The following ICA1 variants were observed in gnomAD, a reference collection of about 807,000 sequenced individuals.
ICA1 encodes islet cell autoantigen 1.
Under a neutral mutation model 71.0 loss-of-function variants are expected in ICA1, and 40 were observed. That is an observed-to-expected ratio of 0.56 (90% CI 0.44 to 0.73). ICA1 has a LOEUF of 0.73. Ranked by LOEUF, ICA1 falls within the 30% of genes least tolerant of loss-of-function variation. The pLI is 0.00. For missense variants in ICA1, 578 were observed against 576.5 expected, an observed-to-expected ratio of 1.00 and a Z score of -0.03; for synonymous variants, 207 against 209.5, an observed-to-expected ratio of 0.99 and a Z score of 0.10.
rs145889798 is a variant in ICA1 at position 8,256,821 on chromosome 7, G to C, written c.-80+5273C>G. 7.2e-4 allele frequency among the ~76,000 whole-genome samples: 109 copies of C among 152,316 alleles called. 1 individual carries two copies. The highest frequency in any genetic ancestry group is 2.5e-3 in the African/African-American group (104 of 41,574). On this transcript the variant is annotated intron_variant, in intron 1 of 13. Transcript: ENST00000402384. ...AGCACAGTAGCCATTCAGTACATAT[G>C]TGCTGGGCAAGGGGCAATAATTATG...
chr7:8,180,226 T>C (rs1054878764), intron 6 of ICA1, among the ~76,000 whole-genome samples: 10 of 152,148 alleles, frequency 6.6e-5, no homozygotes, highest in South Asian at 2.1e-4. Context: ...CTGATCTCTA[T>C]CACCATGAAT....
chr7:8,144,124 G>GA lies in ICA1; in HGVS notation c.805-153dup. On this transcript the variant is annotated intron_variant, in intron 8 of 13. Transcript: ENST00000402384. This position sits in a 1 kb window ranked among gnomAD's most constrained non-coding sequence, Gnocchi z 4.5. Reference sequence around the variant, plus strand: ...ATTACAGGTATTGGGAGGTGACCTTGAACCAATCAGCTGGAAGAAATAAAA... The same window carrying GA: ...ATTACAGGTATTGGGAGGTGACCTTGAAACCAATCAGCTGGAAGAAATAAAA... The GA allele has an allele frequency of 1.6e-6, 1 of 606,252 alleles. No homozygotes were observed. Among genetic ancestry groups the GA allele is most frequent in the South Asian group, 2.1e-5 (1 of 48,314 alleles). The allele number at this position is 606,252 out of a possible 1,614,324, so 37.6% of individuals were successfully genotyped here.
chr7:8,116,875 G>A (rs148395603), intron 13 of ICA1, among the ~76,000 whole-genome samples: 3 of 152,116 alleles, frequency 2.0e-5, no homozygotes, highest in Admixed American at 6.5e-5. Flanking sequence ...GAAATCCCTC[G>A]TTAACTTTAT....
intron 6 of ICA1, among the ~76,000 whole-genome samples, chr7:8,176,142 G>C (rs138257704): frequency 1.2e-3 from 176 of 152,344 alleles, no homozygotes; most frequent in Admixed American, 3.6e-3. Flanking sequence ...CCTCTTGTAC[G>C]AAACACAAAC....
At chr7:8,179,011 G>T (rs983068594) in intron 6 of ICA1, among the ~76,000 whole-genome samples, 1 of 152,196 alleles carries the variant, frequency 6.6e-6, no homozygotes, top group Non-Finnish European at 1.5e-5. Context: ...CTGAGCAGAA[G>T]TAAACTGCAT....
intron 5 of ICA1, among the ~76,000 whole-genome samples, chr7:8,219,581 T>TATAAGAATA (rs1309918101): frequency 6.6e-6 from 1 of 152,252 alleles, no homozygotes; most frequent in Non-Finnish European, 1.5e-5. Context: ...TGAGTACTTG[T>TATAAGAATA]ATAAGAATAA....
intron 6 of ICA1, among the ~76,000 whole-genome samples, chr7:8,201,451 C>T (rs1424771402): frequency 6.6e-6 from 1 of 152,096 alleles, no homozygotes; most frequent in Non-Finnish European, 1.5e-5. Context: ...GGGAACTGGG[C>T]CTTTTAAAGA....
At chr7:8,213,167 C>T (rs1794368049) in intron 6 of ICA1, among the ~76,000 whole-genome samples, 1 of 152,130 alleles carries the variant, frequency 6.6e-6, no homozygotes, top group African/African-American at 2.4e-5. Context: ...AGTTATGAAA[C>T]AAATACATTT....
At chr7:8,254,305 T>C (rs1374025920) in intron 1 of ICA1, among the ~76,000 whole-genome samples, 1 of 151,940 alleles carries the variant, frequency 6.6e-6, no homozygotes, top group African/African-American at 2.4e-5. Context: ...TCCAGAACTT[T>C]CCTTGGTTAA....
chr7:8,222,084 A>G lies in ICA1; in HGVS notation c.257-686T>C, dbSNP rs1222670980. On this transcript the variant is annotated intron_variant, in intron 4 of 13. Transcript: ENST00000402384. The surrounding 1 kb of genome is among the most constrained non-coding windows in gnomAD (Gnocchi z 4.8). ...CAGACTGATTTGACGGTAAACATTT[A>G]AAAAATCATAGAATTACATGTATCT... 2.0e-5 allele frequency among the ~76,000 whole-genome samples: 3 copies of G among 152,158 alleles called. No homozygotes were observed. Among genetic ancestry groups the G allele is most frequent in the African/African-American group, 7.2e-5 (3 of 41,418 alleles).
chr7:8,258,194 C>A (rs1376419583), intron 1 of ICA1, among the ~76,000 whole-genome samples: 1 of 152,204 alleles, frequency 6.6e-6, no homozygotes, highest in Non-Finnish European at 1.5e-5. Flanking sequence ...CTCTCTTTCC[C>A]TCTTTTACTC....
chr7:8,158,399 A>C (rs978719621), intron 7 of ICA1, 128 bp downstream of exon 7: 1 of 1,122,584 alleles, frequency 8.9e-7, no homozygotes, highest in African/African-American at 1.6e-5. Flanking sequence ...AGATGTGGGA[A>C]GTGAAATTAC....
chr7:8,140,530 A>T (rs889015715), intron 10 of ICA1, among the ~76,000 whole-genome samples: 2 of 152,168 alleles, frequency 1.3e-5, no homozygotes, highest in Non-Finnish European at 2.9e-5. Flanking sequence ...CCAAAGCTGG[A>T]GCTGCTGGAT....
chr7:8,238,299 ATGTT>A (rs1188084678), intron 1 of ICA1, among the ~76,000 whole-genome samples: 2 of 152,252 alleles, frequency 1.3e-5, no homozygotes, highest in East Asian at 3.9e-4. Flanking sequence ...ATCCTTGTTA[ATGTT>A]TGTTTCCATT....
intron 6 of ICA1, among the ~76,000 whole-genome samples, chr7:8,165,903 T>G (rs569411837): frequency 6.6e-6 from 1 of 152,328 alleles, no homozygotes; most frequent in South Asian, 2.1e-4. Flanking sequence ...TCCATGCTCA[T>G]GGATAGGAAG....
At chr7:8,257,485 C>T (rs1272122310) in intron 1 of ICA1, among the ~76,000 whole-genome samples, 1 of 152,192 alleles carries the variant, frequency 6.6e-6, no homozygotes, top group Non-Finnish European at 1.5e-5. Context: ...CAAATACTTT[C>T]ACTAACTAGA....
intron 6 of ICA1, among the ~76,000 whole-genome samples, chr7:8,167,281 T>C (rs1270466935): frequency 6.6e-6 from 1 of 152,184 alleles, no homozygotes; most frequent in Non-Finnish European, 1.5e-5. Context: ...CACCATAGCA[T>C]ACTACACAGC....
chr7:8,255,192 C>T (rs1055414809), intron 1 of ICA1, among the ~76,000 whole-genome samples: 3 of 152,188 alleles, frequency 2.0e-5, no homozygotes, highest in African/African-American at 7.2e-5. Flanking sequence ...CAAACTCTTT[C>T]TCAGTTCCCA....
Position 8,235,992 on chromosome 7 carries a change from A to C in ICA1, c.-66T>G, listed in dbSNP as rs975489438. The stretch of plus-strand genomic sequence containing the variant: ...GGCAGGAAAAAAGCATGAGAGGATA[A>C]GTTATATTATAACCTGAAATAAAAC... On this transcript the variant is annotated 5_prime_UTR_variant, in exon 2 of 14. Transcript: ENST00000402384. 1.3e-6 allele frequency: 2 copies of C among 1,497,410 alleles called. No individual in the cohort carries two copies. Among genetic ancestry groups the C allele is most frequent in the Non-Finnish European group, 1.9e-6 (2 of 1,079,346 alleles). The allele number at this position is 1,497,410 out of a possible 1,614,324, so 92.8% of individuals were successfully genotyped here.
Sources: gnomAD v4.1 joint callset for allele counts (sites outside exome capture counted in the v4.1 genomes callset) on GRCh38, gnomAD v4.1.1 for gene constraint, Gnocchi (gnomAD v3.1) non-coding constraint, MANE v1.5 for transcripts, NCBI Gene and HGNC (gene_info 2026-07-23, HGNC 2026-07-21) for gene names.